Variants in UQCC1 observed in about 807,000 individuals in gnomAD.
UQCC1 encodes bFGF-repressed Zic-binding protein.
Under a neutral mutation model 48.0 loss-of-function variants are expected in UQCC1, and 38 were observed. That is an observed-to-expected ratio of 0.79 (90% CI 0.61 to 1.04). The LOEUF (loss-of-function observed/expected upper bound fraction) is 1.04. Ranked by LOEUF, UQCC1 falls within the 50% of genes least tolerant of loss-of-function variation. The pLI is 0.00. For synonymous variants in UQCC1, 111 were observed against 129.2 expected (o/e 0.86, Z 0.95); for missense variants, 368 against 381.8 (o/e 0.96, Z 0.30).
intron 4 of UQCC1, among the ~76,000 whole-genome samples, chr20:35,379,145 T>G (rs2061837257): frequency 6.6e-6 from 1 of 152,174 alleles, no homozygotes; most frequent in Non-Finnish European, 1.5e-5. Context: ...ATACTGCATA[T>G]AAAGGTAATT....
Position 35,314,782 on chromosome 20 carries a change from CA to C in UQCC1, c.574-18del. The C allele has an allele frequency of 1.3e-6, 2 of 1,567,996 alleles. No homozygotes were observed. The highest frequency in any genetic ancestry group is 1.2e-5 in the South Asian group (1 of 85,896). On this transcript the variant is annotated intron_variant, in intron 7 of 9. Coordinates refer to ENST00000374385, the MANE Select transcript of UQCC1 (RefSeq NM_018244.5). ...GGGATTAACCTACAGAAACAAATGGCAAAAACAAAAGTTTGAAAGAAAGAAA... is the reference window on the plus strand; with the variant it reads ...GGGATTAACCTACAGAAACAAATGGCAAAACAAAAGTTTGAAAGAAAGAAA...
At chr20:35,398,753 T>TGGGGGGGGGGGGG (rs3055777) in intron 1 of UQCC1, among the ~76,000 whole-genome samples, 2 of 106,424 alleles carry the variant, frequency 1.9e-5, no homozygotes, top group Non-Finnish European at 3.7e-5. Flanking sequence ...GGGCCAAAGG[T>TGGGGGGGGGGGGG]GGGGGGGGGG....
At chr20:35,403,830 A>G (rs954708191) in intron 1 of UQCC1, among the ~76,000 whole-genome samples, 1 of 152,120 alleles carries the variant, frequency 6.6e-6, no homozygotes, top group Non-Finnish European at 1.5e-5. Flanking sequence ...CAAACACTGC[A>G]TGTTCTCACT....
At chr20:35,385,456 A>T (rs2061930350) in intron 2 of UQCC1, among the ~76,000 whole-genome samples, 1 of 152,156 alleles carries the variant, frequency 6.6e-6, no homozygotes, top group Non-Finnish European at 1.5e-5. Flanking sequence ...CTCAGTGGAA[A>T]ATCAGGTATC....
intron 1 of UQCC1, among the ~76,000 whole-genome samples, chr20:35,407,345 T>C (rs2062267251): frequency 6.6e-6 from 1 of 151,820 alleles, no homozygotes; most frequent in South Asian, 2.1e-4. Context: ...GGAGAATTGC[T>C]TGAACCTGGG....
intron 1 of UQCC1, among the ~76,000 whole-genome samples, chr20:35,398,190 T>C (rs2062108791): frequency 6.6e-6 from 1 of 152,130 alleles, no homozygotes; most frequent in African/African-American, 2.4e-5. Context: ...GCTCTAACAC[T>C]ATATGACCTG....
chr20:35,306,255 G>C (rs1403650360), intron 9 of UQCC1, among the ~76,000 whole-genome samples: 1 of 152,166 alleles, frequency 6.6e-6, no homozygotes, highest in African/African-American at 2.4e-5. Context: ...AGTTTTGCTG[G>C]AAGTCAGGAG....
At chr20:35,311,174 G>A (rs74897747) in intron 8 of UQCC1, among the ~76,000 whole-genome samples, 1 of 152,238 alleles carries the variant, frequency 6.6e-6, no homozygotes, top group East Asian at 1.9e-4. Flanking sequence ...AGGGCAGTAA[G>A]GCAAACGGCC....
chr20:35,333,907 T>C (rs1430181759), intron 7 of UQCC1, among the ~76,000 whole-genome samples: 3 of 152,134 alleles, frequency 2.0e-5, no homozygotes, highest in Non-Finnish European at 1.5e-5. Flanking sequence ...CCAGTAAAAG[T>C]GAAGAGAGCA....
At chr20:35,340,304 G>A (rs564406930) in intron 7 of UQCC1, among the ~76,000 whole-genome samples, 62 of 152,268 alleles carry the variant, frequency 4.1e-4, no homozygotes, top group Non-Finnish European at 7.8e-4. Context: ...ATGTTCAGTA[G>A]GACCCTGCTT....
chr20:35,408,131 A>G (rs2062279978), intron 1 of UQCC1, among the ~76,000 whole-genome samples: 1 of 152,196 alleles, frequency 6.6e-6, no homozygotes. Flanking sequence ...GGCAATTGTC[A>G]AAAAACAGAA....
intron 6 of UQCC1, among the ~76,000 whole-genome samples, chr20:35,349,957 A>G (rs1354034250): frequency 6.6e-6 from 1 of 151,984 alleles, no homozygotes; most frequent in South Asian, 2.1e-4. Context: ...GGTGCCACTG[A>G]ACTCCAGTCT....
chr20:35,338,195 A>C (rs1328444737), intron 7 of UQCC1, among the ~76,000 whole-genome samples: 1 of 152,142 alleles, frequency 6.6e-6, no homozygotes, highest in Non-Finnish European at 1.5e-5. Flanking sequence ...AATCTCTATT[A>C]GTCCTGTTGA....
At chr20:35,364,211 G>A (rs757709809) in intron 6 of UQCC1, among the ~76,000 whole-genome samples, 7 of 152,012 alleles carry the variant, frequency 4.6e-5, no homozygotes, top group Non-Finnish European at 7.4e-5. Context: ...GTCACTCTTC[G>A]TGGTGCATCT....
At position 35,318,129 on chromosome 20, in the gene UQCC1, A is replaced by G. The variant is rs1001703106; in HGVS notation, c.574-3364T>C. 2.6e-5 allele frequency among the ~76,000 whole-genome samples: 4 copies of G among 152,344 alleles called. No individual in the cohort carries two copies. The South Asian group carries it at 8.3e-4, about 32-fold the overall frequency. ...AGGTGTCAAACAGTAAGGCAGGAGC[A>G]TCTCTCAGAGGAAAACATTCACTGA... On this transcript the variant is annotated intron_variant, in intron 7 of 9. Transcript: ENST00000374385.
At chr20:35,318,860 A>G (rs1244599216) in intron 7 of UQCC1, among the ~76,000 whole-genome samples, 1 of 152,032 alleles carries the variant, frequency 6.6e-6, no homozygotes, top group Non-Finnish European at 1.5e-5. Context: ...TCCCTGTTGG[A>G]TTTTATTCCC....
chr20:35,407,635 T>C (rs990490430), intron 1 of UQCC1, among the ~76,000 whole-genome samples: 1 of 152,014 alleles, frequency 6.6e-6, no homozygotes, highest in Non-Finnish European at 1.5e-5. Context: ...CCTGTAATCC[T>C]TGCACTTCGG....
chr20:35,353,228 C>G (rs1053661994), intron 6 of UQCC1, among the ~76,000 whole-genome samples: 7 of 151,102 alleles, frequency 4.6e-5, no homozygotes, highest in Non-Finnish European at 7.4e-5. Context: ...GAAACCCTAT[C>G]TCTACTAAAA....
At position 35,411,946 on chromosome 20, in the gene UQCC1, T is replaced by G; in HGVS notation, c.18A>C (p.Arg6=). MALLV[R]VLRNQTSISQ... ...AAATTACTCCTTCACTCACAAGGAC[T>G]CGCACCAGCAACGCCATGTTCCTCA... Residue 6 remains arginine, a synonymous_variant, in exon 1 of 10, where the codon CGA becomes CGC. Transcript: ENST00000374385. 1.9e-6 allele frequency: 3 copies of G among 1,614,184 alleles called. No individual in the cohort carries two copies. The highest frequency in any genetic ancestry group is 1.1e-5 in the South Asian group (1 of 91,080).
Sources: allele counts gnomAD v4.1 joint callset (sites outside exome capture counted in the v4.1 genomes callset), GRCh38; gene constraint gnomAD v4.1.1; transcripts MANE v1.5; gene names NCBI Gene and HGNC (gene_info 2026-07-23, HGNC 2026-07-21).